The following GNAO1 variants were observed in gnomAD, a reference collection of about 807,000 sequenced individuals.
GNAO1 encodes G protein subunit alpha o1.
For missense variants in GNAO1, 166 were observed against 478.7 expected (o/e 0.35, Z 6.10); for synonymous variants, 164 against 180.7 (o/e 0.91, Z 0.74).
At chr16:56,294,525 A>G (rs1250589857) in intron 3 of GNAO1, among the ~76,000 whole-genome samples, 2 of 152,076 alleles carry the variant, frequency 1.3e-5, no homozygotes, top group African/African-American at 4.8e-5. Context: ...CTGGTGATGG[A>G]CATTTCACTT....
At chr16:56,283,272 A>G (rs1454289031) in intron 3 of GNAO1, among the ~76,000 whole-genome samples, 1 of 152,190 alleles carries the variant, frequency 6.6e-6, no homozygotes, top group East Asian at 1.9e-4. Context: ...GGGGGGCAGC[A>G]CGACCCTAAC....
chr16:56,265,456 G>A (rs1410307018), intron 2 of GNAO1, among the ~76,000 whole-genome samples: 1 of 152,224 alleles, frequency 6.6e-6, no homozygotes, highest in Non-Finnish European at 1.5e-5. Context: ...CTGTTAAAAT[G>A]AATATACAGT....
Position 56,336,871 on chromosome 16 carries a change from T to TG in GNAO1, c.723+14dup. The TG allele has an allele frequency of 6.2e-7, 1 of 1,606,368 alleles. No homozygotes were observed. Among genetic ancestry groups the TG allele is most frequent in the African/African-American group, 1.3e-5 (1 of 74,998 alleles). On this transcript the variant is annotated intron_variant, in intron 6 of 8. Transcript: ENST00000262493. Reference sequence around the variant, plus strand: ...GAAGACGAAACCACGGTGAGTGGCCTGGGCCCCCCGGGCAGGGGGCAGCGC... The same window carrying TG: ...GAAGACGAAACCACGGTGAGTGGCCTGGGGCCCCCCGGGCAGGGGGCAGCGC...
chr16:56,322,934 G>A (rs2037590639), intron 3 of GNAO1, among the ~76,000 whole-genome samples: 1 of 152,122 alleles, frequency 6.6e-6, no homozygotes, highest in Non-Finnish European at 1.5e-5. Flanking sequence ...ACCAAGCACG[G>A]TGTGAGGCCC....
chr16:56,273,084 AATATT>A (rs1401193412), intron 2 of GNAO1, among the ~76,000 whole-genome samples: 1 of 152,324 alleles, frequency 6.6e-6, no homozygotes, highest in African/African-American at 2.4e-5. Flanking sequence ...ACTTTCAAAT[AATATT>A]ATATTAATAC....
chr16:56,280,156 ATCT>A (rs1321036803), intron 3 of GNAO1, among the ~76,000 whole-genome samples: 1 of 152,252 alleles, frequency 6.6e-6, no homozygotes, highest in African/African-American at 2.4e-5. Flanking sequence ...GGAGCTGGTC[ATCT>A]TCTTGGGAAG....
intron 2 of GNAO1, among the ~76,000 whole-genome samples, chr16:56,259,438 C>T (rs940069012): frequency 6.6e-6 from 1 of 152,210 alleles, no homozygotes; most frequent in African/African-American, 2.4e-5. Flanking sequence ...TCCAACTGCC[C>T]TGTTCCATAC....
chr16:56,223,226 C>T (rs539388676), intron 2 of GNAO1, among the ~76,000 whole-genome samples: 5 of 152,240 alleles, frequency 3.3e-5, no homozygotes, highest in East Asian at 1.9e-4. Flanking sequence ...CAATGCCTGC[C>T]GTTATAAGAG....
In GNAO1 at chr16:56,335,228, A is replaced by T. The variant is rs567836934; in HGVS notation, c.593+371A>T. On this transcript the variant is annotated intron_variant, in intron 5 of 8. Transcript: ENST00000262493. ...GAGTGGGGCTGGGTAAGCCCAAGCT[A>T]CCTCTGTGAGACCCTGAGGACCCAA... is the stretch of plus-strand genomic sequence containing the variant. 5.9e-5 allele frequency among the ~76,000 whole-genome samples: 9 copies of T among 152,274 alleles called. No homozygotes were observed. In the South Asian group the frequency reaches 1.9e-3, roughly 32 times the overall value.
chr16:56,203,964 G>A (rs1478754086), intron 2 of GNAO1, among the ~76,000 whole-genome samples: 1 of 152,200 alleles, frequency 6.6e-6, no homozygotes, highest in Non-Finnish European at 1.5e-5. Context: ...TGCCAAGTCA[G>A]GAGAGCCTAC....
chr16:56,207,791 CTG>C (rs1370858683), intron 2 of GNAO1, among the ~76,000 whole-genome samples: 1 of 152,176 alleles, frequency 6.6e-6, no homozygotes, highest in Non-Finnish European at 1.5e-5. Context: ...AACATTGACA[CTG>C]TCTTTAAAAG....
At chr16:56,298,613 T>A (rs1024085794) in intron 3 of GNAO1, among the ~76,000 whole-genome samples, 4 of 152,080 alleles carry the variant, frequency 2.6e-5, no homozygotes, top group Admixed American at 6.6e-5. Flanking sequence ...TAACTTTTTT[T>A]AAAAAATGAG....
intron 7 of GNAO1, chr16:56,353,088 C>T (rs4784659): frequency 0.21 from 31,568 of 152,470 alleles, 3,542 homozygotes; most frequent in African/African-American, 0.28. Flanking sequence ...GGAGAAGGTG[C>T]CCTCTGCAGG....
chr16:56,244,118 A>T (rs1337868626), intron 2 of GNAO1, among the ~76,000 whole-genome samples: 1 of 152,230 alleles, frequency 6.6e-6, no homozygotes, highest in Non-Finnish European at 1.5e-5. Context: ...GCTATACTAC[A>T]GGCAAAGCAA....
At chr16:56,236,690 G>A (rs1049997990) in intron 2 of GNAO1, among the ~76,000 whole-genome samples, 1 of 152,166 alleles carries the variant, frequency 6.6e-6, no homozygotes, top group Non-Finnish European at 1.5e-5. Flanking sequence ...TGGTCTCGTG[G>A]CATTATAGTT....
At chr16:56,348,213 G>A (rs2037891247) in intron 6 of GNAO1, 2 of 984,316 alleles carry the variant, frequency 2.0e-6, no homozygotes, top group Non-Finnish European at 2.4e-6. Flanking sequence ...TGAGTGTGAT[G>A]TGTTGTCAGG....
At chr16:56,331,951 C>G (rs2037692661) in intron 4 of GNAO1, among the ~76,000 whole-genome samples, 3 of 152,178 alleles carry the variant, frequency 2.0e-5, no homozygotes. Context: ...TCTCATTCCA[C>G]CACGTGGAGG....
intron 3 of GNAO1, among the ~76,000 whole-genome samples, chr16:56,283,799 C>G (rs2037137301): frequency 6.6e-6 from 1 of 152,192 alleles, no homozygotes; most frequent in South Asian, 2.1e-4. Flanking sequence ...TGCTGAGGCT[C>G]TCCACCTACA....
At chr16:56,211,917 A>G (rs1264790596) in intron 2 of GNAO1, among the ~76,000 whole-genome samples, 1 of 152,210 alleles carries the variant, frequency 6.6e-6, no homozygotes, top group Non-Finnish European at 1.5e-5. Context: ...TTTGGAACAC[A>G]TGGCTCTTCA....
Sources: allele counts gnomAD v4.1 joint callset (sites outside exome capture counted in the v4.1 genomes callset), GRCh38; gene constraint gnomAD v4.1.1; transcripts MANE v1.5; gene names NCBI Gene and HGNC (gene_info 2026-07-23, HGNC 2026-07-21).